Variants in ZNF318 observed in about 807,000 individuals in gnomAD.
ZNF318 encodes the protein zinc finger protein 318.
A neutral mutation model predicts 124.2 loss-of-function variants in ZNF318; 51 were observed. That is an observed-to-expected ratio of 0.41 (90% CI 0.33 to 0.52). ZNF318 has a LOEUF of 0.52. Ranked by LOEUF, ZNF318 falls within the 20% of genes least tolerant of loss-of-function variation. ZNF318 has a pLI of 0.23. For synonymous variants in ZNF318, 1,090 were observed against 1,040.7 expected (o/e 1.05, Z -0.91); for missense variants, 2,815 against 2,811.2 (o/e 1.00, Z -0.03).
intron 1 of ZNF318, among the ~76,000 whole-genome samples, chr6:43,368,522 G>C (rs773207181): frequency 1.3e-5 from 2 of 152,192 alleles, no homozygotes; most frequent in Non-Finnish European, 2.9e-5. Context: ...GCCTGGTAGG[G>C]TTCAAGCGTC....
intron 2 of ZNF318, among the ~76,000 whole-genome samples, chr6:43,359,150 A>G (rs545367060): frequency 6.6e-6 from 1 of 152,196 alleles, no homozygotes; most frequent in Non-Finnish European, 1.5e-5. Context: ...TTCACATATT[A>G]AAACCCATAA....
At position 43,338,788 on chromosome 6, in the gene ZNF318, T is replaced by C. The variant is rs143947472; in HGVS notation, c.5210A>G (p.Asp1737Gly). 377 of 1,614,110 alleles carry C rather than the reference T, an allele frequency of 2.3e-4. 1 individual carries two copies. In the African/African-American group the frequency reaches 4.4e-3, roughly 19 times the overall value. Residue 1737 changes from aspartate to glycine, a missense_variant, in exon 10 of 10, where the codon GAT (aspartate) becomes GGT (glycine). This residue lies in a region of ZNF318 where 927 missense variants were observed against 820.6 expected (regional missense o/e 1.13). Transcript: ENST00000361428. ...CTTCTGAGATTCTTTGCACTGTATA[T>C]CTAACAGTTGAGGAGGTGGTTCTAC... ...PGVEPPPQLLDIQCKESQKLV... is the reference protein window; with the variant it reads ...PGVEPPPQLLGIQCKESQKLV...
chr6:43,347,720 C>A (rs1486285941), intron 6 of ZNF318, among the ~76,000 whole-genome samples: 2 of 152,160 alleles, frequency 1.3e-5, no homozygotes, highest in Non-Finnish European at 2.9e-5. Flanking sequence ...GCAATTGTCA[C>A]ATGGCATTTT....
Position 43,337,866 on chromosome 6 carries a change from A to G in ZNF318, c.6132T>C (p.Cys2044=). 1 of 1,614,226 alleles carries G rather than the reference A, an allele frequency of 6.2e-7. No homozygotes were observed. The highest frequency in any genetic ancestry group is 8.5e-7 in the Non-Finnish European group (1 of 1,180,040). The change falls in exon 10 of 10, where the codon TGT becomes TGC. Residue 2044 remains cysteine, a synonymous_variant. Coordinates refer to ENST00000361428, the MANE Select transcript of ZNF318 (RefSeq NM_014345.3). Reference sequence around the variant, plus strand: ...CTATAGGTGATACAGAATTTTCTTCACACACTTTCTGACACAAGACAGTTG... The same window carrying G: ...CTATAGGTGATACAGAATTTTCTTCGCACACTTTCTGACACAAGACAGTTG... ...RSPTVLCQKV[C]EENSVSPIGC...
At chr6:43,359,344 TC>T (rs776143533) in intron 2 of ZNF318, among the ~76,000 whole-genome samples, 31 of 152,328 alleles carry the variant, frequency 2.0e-4, no homozygotes, top group Non-Finnish European at 3.4e-4. Context: ...GGACAGCTAT[TC>T]TTTTAGCTGA....
At chr6:43,365,252 A>G (rs777883163) in intron 2 of ZNF318, 40 bp downstream of exon 2, 28 of 1,575,778 alleles carry the variant, frequency 1.8e-5, no homozygotes, top group Non-Finnish European at 2.4e-5. Flanking sequence ...TTCTGCCTTC[A>G]AGTACTAGTA....
At chr6:43,361,514 A>G (rs867248203) in intron 2 of ZNF318, among the ~76,000 whole-genome samples, 2 of 152,210 alleles carry the variant, frequency 1.3e-5, no homozygotes, top group African/African-American at 4.8e-5. Flanking sequence ...ACAGTGAACT[A>G]TGATCACGCC....
intron 2 of ZNF318, among the ~76,000 whole-genome samples, chr6:43,358,925 G>A (rs1779646778): frequency 6.6e-6 from 1 of 152,158 alleles, no homozygotes; most frequent in Non-Finnish European, 1.5e-5. Flanking sequence ...AAAGAAAGGA[G>A]GTACTAGAAA....
At chr6:43,368,877 G>T in intron 1 of ZNF318, 90 bp downstream of exon 1, 1 of 1,255,728 alleles carries the variant, frequency 8.0e-7, no homozygotes, top group Non-Finnish European at 1.0e-6. Context: ...TTAGGACCCT[G>T]GTCTGGAGGC....
chr6:43,357,572 G>A lies in ZNF318; in HGVS notation c.742C>T (p.Arg248Trp), dbSNP rs767416568. 14 of 1,613,936 alleles carry A rather than the reference G, an allele frequency of 8.7e-6. No individual in the cohort carries two copies. Among genetic ancestry groups the A allele is most frequent in the Middle Eastern group, 1.6e-4 (1 of 6,062 alleles). ...TTTTCTCGATTCCGTTCTGTTCCCC[G>A]CAACAGCTCATCATGACAACTGATA... ...PHISCHDELL[R>W]GTERNREKLK... Residue 248 changes from arginine (R) to tryptophan (W), a missense_variant, in exon 3 of 10, where the codon CGG becomes TGG. Coordinates refer to ENST00000361428, the MANE Select transcript of ZNF318 (RefSeq NM_014345.3).
intron 2 of ZNF318, among the ~76,000 whole-genome samples, chr6:43,359,759 A>T (rs1386134246): frequency 6.6e-6 from 1 of 152,236 alleles, no homozygotes; most frequent in Non-Finnish European, 1.5e-5. Context: ...AAAGGTTATC[A>T]AGGACAAACT....
chr6:43,337,931 C>A lies in ZNF318; in HGVS notation c.6067G>T (p.Asp2023Tyr). The change falls in exon 10 of 10, where the codon GAT becomes TAT. Residue 2023 changes from aspartate to tyrosine, a missense_variant. Around this residue, in one of 4 missense-constraint regions of ZNF318, gnomAD observed 927 missense variants for 820.6 expected, o/e 1.13. Coordinates refer to ENST00000361428, the MANE Select transcript of ZNF318 (RefSeq NM_014345.3). ...ALGNLGDMPV[D>Y]FCTTRVSPAH... is the part of the protein sequence containing the mutation. ...GGGCTTACCCGAGTAGTGCAGAAATCAACAGGCATATCCCCCAGATTCCCC... is the reference window on the plus strand; with the variant it reads ...GGGCTTACCCGAGTAGTGCAGAAATAAACAGGCATATCCCCCAGATTCCCC... 6.2e-7 allele frequency: 1 copy of A among 1,614,224 alleles called. No individual in the cohort carries two copies.
At chr6:43,353,941 A>T (rs556766058) in intron 4 of ZNF318, among the ~76,000 whole-genome samples, 4 of 152,286 alleles carry the variant, frequency 2.6e-5, no homozygotes, top group African/African-American at 9.6e-5. Flanking sequence ...ATAATATAAA[A>T]AATGACTTTA....
chr6:43,355,244 G>A lies in ZNF318; in HGVS notation c.2090C>T (p.Pro697Leu). 8 of 1,614,190 alleles carry A rather than the reference G, an allele frequency of 5.0e-6. No individual in the cohort carries two copies. The highest frequency in any genetic ancestry group is 6.8e-6 in the Non-Finnish European group (8 of 1,180,020). ...HSPEVSHPHP[P>L]SPVDPYLLTK... The stretch of plus-strand genomic sequence containing the variant: ...GAGCAGGTAAGGATCCACAGGAGAA[G>A]GTGGGTGTGGATGGGACACCTCTGG... Residue 697 changes from proline to leucine, a missense_variant, in exon 4 of 10, where the codon CCT becomes CTT. This residue lies in a region of ZNF318 where 1,377 missense variants were observed against 1,353.5 expected (regional missense o/e 1.02). Transcript: ENST00000361428.
Position 43,339,637 on chromosome 6 carries a change from G to A in ZNF318, c.4361C>T (p.Pro1454Leu). ...AGCTGGATGAGGTATAACGGGGGGT[G>A]GTGGAGGTGGTGGAGGTGGGGGTGG... ...PPPPPPPPPP[P>L]PPVIPHPAAP... Residue 1454 changes from proline (P) to leucine (L), a missense_variant, in exon 10 of 10, where the codon CCA becomes CTA. Transcript: ENST00000361428. This position sits in a 1 kb window ranked among gnomAD's most constrained non-coding sequence, Gnocchi z 4.2. 1.9e-6 allele frequency: 3 copies of A among 1,610,502 alleles called. No homozygotes were observed. The highest frequency in any genetic ancestry group is 2.5e-6 in the Non-Finnish European group (3 of 1,178,762).
chr6:43,351,693 A>C (rs1176378263), intron 5 of ZNF318, among the ~76,000 whole-genome samples: 1 of 151,780 alleles, frequency 6.6e-6, no homozygotes, highest in Non-Finnish European at 1.5e-5. Flanking sequence ...TCCAGAAGGC[A>C]GAGGTTGCAG....
chr6:43,354,536 A>G (rs546035488), intron 4 of ZNF318, 128 bp downstream of exon 4: 1 of 799,028 alleles, frequency 1.3e-6, no homozygotes, highest in South Asian at 1.7e-5. Flanking sequence ...TCTTAGGATG[A>G]TGACAGCAGC....
At chr6:43,345,723 C>G (rs570243375) in intron 6 of ZNF318, among the ~76,000 whole-genome samples, 1 of 152,344 alleles carries the variant, frequency 6.6e-6, no homozygotes, top group Admixed American at 6.5e-5. Flanking sequence ...AATATATTCT[C>G]TTTCCTACCT....
chr6:43,369,593 C>G lies in ZNF318; in HGVS notation c.-228G>C, dbSNP rs904612877. On this transcript the variant is annotated 5_prime_UTR_variant, in exon 1 of 10. Transcript: ENST00000361428. ...GCGAGCACGCGTCCGACACACCCCC[C>G]CCCGCCTCCGGGGTTCCCCGCTCCT... The G allele has an allele frequency of 1.3e-5, 2 of 157,260 alleles. No individual in the cohort carries two copies. Among genetic ancestry groups the G allele is most frequent in the African/African-American group, 4.8e-5 (2 of 41,460 alleles). 9.7% of individuals were successfully genotyped at this position (157,260 alleles called of 1,614,324 possible).
Sources: gnomAD v4.1 joint callset for allele counts (sites outside exome capture counted in the v4.1 genomes callset) on GRCh38, gnomAD v4.1.1 for gene constraint, gnomAD v4.1.1 regional missense constraint, Gnocchi (gnomAD v3.1) non-coding constraint, MANE v1.5 for transcripts, NCBI Gene and HGNC (gene_info 2026-07-23, HGNC 2026-07-21) for gene names.